RFX4: variants seen among roughly 807,000 people sequenced by gnomAD.
RFX4 encodes regulatory factor X4, also known as transcription factor RFX4.
RFX4 carries 10 observed loss-of-function variants against 95.0 expected under a neutral mutation model. The observed-to-expected ratio is 0.11, with a 90% confidence interval of 0.06 to 0.18. The LOEUF is 0.18. Among genes scored for constraint, RFX4 ranks in the 10% least tolerant of loss-of-function variants. The pLI is 1.00. For synonymous variants in RFX4, 321 were observed against 340.7 expected (o/e 0.94, Z 0.64); for missense variants, 640 against 922.0 (o/e 0.69, Z 3.96).
At chr12:106,696,527 A>T in intron 8 of RFX4, 81 bp downstream of exon 8, 2 of 1,523,022 alleles carry the variant, frequency 1.3e-6, no homozygotes, top group South Asian at 1.2e-5. Context: ...GATTATAATC[A>T]TGCACTGTCC....
At chr12:106,638,258 T>A (rs1040807993) in intron 2 of RFX4, among the ~76,000 whole-genome samples, 1 of 152,204 alleles carries the variant, frequency 6.6e-6, no homozygotes, top group African/African-American at 2.4e-5. Context: ...TCCACTCACC[T>A]TGGCCTCCGA....
intron 2 of RFX4, among the ~76,000 whole-genome samples, chr12:106,624,797 A>G (rs540933458): frequency 6.6e-6 from 1 of 152,222 alleles, no homozygotes; most frequent in African/African-American, 2.4e-5. Context: ...CTCTTGGGCT[A>G]TCATAATATT....
At chr12:106,648,488 G>GTT (rs543146932) in intron 3 of RFX4, among the ~76,000 whole-genome samples, 2 of 145,634 alleles carry the variant, frequency 1.4e-5, no homozygotes, top group Admixed American at 6.9e-5. Flanking sequence ...CTTAGCAAGG[G>GTT]TTTTTTTTTT....
chr12:106,710,196 C>T (rs968905301), intron 9 of RFX4, among the ~76,000 whole-genome samples: 1 of 152,120 alleles, frequency 6.6e-6, no homozygotes, highest in South Asian at 2.1e-4. Flanking sequence ...CATTTGAATA[C>T]AACGGCTTGC....
chr12:106,760,533 A>T (rs2043190530), intron 17 of RFX4, among the ~76,000 whole-genome samples: 2 of 151,908 alleles, frequency 1.3e-5, no homozygotes, highest in Non-Finnish European at 2.9e-5. Flanking sequence ...CATTCACACC[A>T]AGCCCAATTC....
At chr12:106,663,913 C>T (rs1171527246) in intron 4 of RFX4, among the ~76,000 whole-genome samples, 1 of 151,656 alleles carries the variant, frequency 6.6e-6, no homozygotes, top group Non-Finnish European at 1.5e-5. Context: ...TGGGATAAAT[C>T]CCACTTGGTT....
At chr12:106,589,313 G>T (rs984456637) in intron 1 of RFX4, among the ~76,000 whole-genome samples, 4 of 152,144 alleles carry the variant, frequency 2.6e-5, no homozygotes, top group Admixed American at 2.0e-4. Context: ...AGATGAACAA[G>T]GTCACAGTCC....
rs1441745802 is a variant in RFX4 at position 106,586,225 on chromosome 12, G to GT, written c.43+2865dup. Among the ~76,000 whole-genome samples, 1 of 152,092 alleles carries GT rather than the reference G, an allele frequency of 6.6e-6. No homozygotes were observed. Among genetic ancestry groups the GT allele is most frequent in the Non-Finnish European group, 1.5e-5 (1 of 67,998 alleles). On this transcript the variant is annotated intron_variant, in intron 1 of 17. Coordinates refer to ENST00000392842, the MANE Select transcript of RFX4 (RefSeq NM_213594.3). The surrounding 1 kb of genome is among the most constrained non-coding windows in gnomAD (Gnocchi z 5.6). Reference sequence around the variant, plus strand: ...CGACGCACCTTCTGGCCGGTGCGCGGTTTGCAGTAAGCGCAGGCGCGCGTC... The same window carrying GT: ...CGACGCACCTTCTGGCCGGTGCGCGGTTTTGCAGTAAGCGCAGGCGCGCGTC...
chr12:106,710,432 C>T (rs753089777), intron 9 of RFX4, among the ~76,000 whole-genome samples: 1 of 152,130 alleles, frequency 6.6e-6, no homozygotes, highest in Non-Finnish European at 1.5e-5. Flanking sequence ...GAAGGATTAA[C>T]GATTGATCAG....
rs762895200 is a variant in RFX4, at chr12:106,715,543, A to G, written c.1137A>G (p.Gln379=). 2.1e-5 allele frequency: 34 copies of G among 1,613,730 alleles called. No individual in the cohort carries two copies. The highest frequency in any genetic ancestry group is 1.6e-4 in the Middle Eastern group (1 of 6,078). ...ATGAGCACCGGAAACTCATCACCCAATGTAAGCTGTCCCACCAGGGATTGT... is the reference window on the plus strand; with the variant it reads ...ATGAGCACCGGAAACTCATCACCCAGTGTAAGCTGTCCCACCAGGGATTGT... The part of the protein sequence containing the change: ...SRDEHRKLIT[Q]LYQEFDHLLE... Residue 379 remains glutamine (Q), a splice_region_variant and synonymous_variant, in exon 11 of 18, where the codon CAA becomes CAG. Coordinates refer to ENST00000392842, the MANE Select transcript of RFX4 (RefSeq NM_213594.3).
At chr12:106,701,607 C>T (rs1180987779) in intron 8 of RFX4, among the ~76,000 whole-genome samples, 2 of 152,172 alleles carry the variant, frequency 1.3e-5, no homozygotes, top group Admixed American at 6.5e-5. Flanking sequence ...TTTTACTGAC[C>T]TATCTTCAGG....
At chr12:106,673,104 A>C (rs2041318170) in intron 4 of RFX4, among the ~76,000 whole-genome samples, 1 of 152,236 alleles carries the variant, frequency 6.6e-6, no homozygotes, top group South Asian at 2.1e-4. Context: ...AAAGCATAAT[A>C]TACCACAAAA....
At chr12:106,685,170 G>C (rs997540220) in intron 5 of RFX4, among the ~76,000 whole-genome samples, 1 of 152,104 alleles carries the variant, frequency 6.6e-6, no homozygotes, top group African/African-American at 2.4e-5. Context: ...GAGTCTTTAA[G>C]GGGGGAGCAG....
At chr12:106,678,407 C>T (rs1454350577) in intron 4 of RFX4, among the ~76,000 whole-genome samples, 1 of 152,044 alleles carries the variant, frequency 6.6e-6, no homozygotes, top group Non-Finnish European at 1.5e-5. Flanking sequence ...AGCAACCAAA[C>T]AAAACAATGC....
At chr12:106,711,562 A>C (rs1454986626) in intron 10 of RFX4, 51 bp downstream of exon 10, 24 of 1,533,356 alleles carry the variant, frequency 1.6e-5, no homozygotes, top group Non-Finnish European at 2.2e-5. Flanking sequence ...ATTGCAAATG[A>C]GGGGGCAAAT....
chr12:106,587,991 T>A (rs181271749), intron 1 of RFX4, among the ~76,000 whole-genome samples: 3 of 152,172 alleles, frequency 2.0e-5, no homozygotes, highest in Non-Finnish European at 4.4e-5. Context: ...TCCAAGATTA[T>A]TTTTAATTGC....
At chr12:106,636,103 A>C (rs2040505425) in intron 2 of RFX4, among the ~76,000 whole-genome samples, 1 of 152,196 alleles carries the variant, frequency 6.6e-6, no homozygotes, top group African/African-American at 2.4e-5. Flanking sequence ...CTGCCTTCTC[A>C]CTGAGTTTAT....
At chr12:106,616,956 G>T (rs2040085903) in intron 2 of RFX4, among the ~76,000 whole-genome samples, 1 of 151,586 alleles carries the variant, frequency 6.6e-6, no homozygotes, top group South Asian at 2.1e-4. Context: ...TTTAAGTAGA[G>T]ATGGAGTTTC....
At chr12:106,716,821 C>G (rs955818279) in intron 11 of RFX4, among the ~76,000 whole-genome samples, 3 of 152,040 alleles carry the variant, frequency 2.0e-5, no homozygotes, top group African/African-American at 7.2e-5. Context: ...ATGAGGAAGA[C>G]ACTCTTATCA....
Sources: allele counts gnomAD v4.1 joint callset (sites outside exome capture counted in the v4.1 genomes callset), GRCh38; gene constraint gnomAD v4.1.1; non-coding constraint Gnocchi (gnomAD v3.1); transcripts MANE v1.5; gene names NCBI Gene and HGNC (gene_info 2026-07-23, HGNC 2026-07-21).